UGGT1: variants seen among roughly 807,000 people sequenced by gnomAD.
The protein encoded by UGGT1 is UDP-glucose glycoprotein glucosyltransferase 1.
In UGGT1, 107 loss-of-function variants were observed where a neutral mutation model predicts 203.9. That is an observed-to-expected ratio of 0.52 (90% CI 0.45 to 0.62). The LOEUF (loss-of-function observed/expected upper bound fraction) is 0.62, where lower values mean the gene tolerates loss of function less well. Among genes scored for constraint, UGGT1 ranks in the 20% least tolerant of loss-of-function variants. The probability of loss-of-function intolerance (pLI) is 0.00; values close to 1 mark genes in which losing one functional copy is unlikely to be tolerated. For synonymous variants in UGGT1, 628 were observed against 653.5 expected (o/e 0.96, Z 0.59); for missense variants, 1,673 against 1,867.2 (o/e 0.90, Z 1.92).
chr2:128,118,282 T>G (rs1688222779), intron 8 of UGGT1, among the ~76,000 whole-genome samples: 1 of 152,144 alleles, frequency 6.6e-6, no homozygotes, highest in Non-Finnish European at 1.5e-5. Context: ...AAAAATTTTT[T>G]CGAGACAGGG....
chr2:128,172,865 A>G (rs1691182003), intron 29 of UGGT1, 103 bp downstream of exon 29: 2 of 1,118,564 alleles, frequency 1.8e-6, no homozygotes, highest in African/African-American at 1.6e-5. Flanking sequence ...CAGGTATGAT[A>G]TTTTTTTAAA....
intron 18 of UGGT1, among the ~76,000 whole-genome samples, chr2:128,147,254 T>C (rs1689736861): frequency 6.6e-6 from 1 of 152,236 alleles, no homozygotes; most frequent in Non-Finnish European, 1.5e-5. Flanking sequence ...TTCTTTCTTC[T>C]GTCAACTAAA....
intron 17 of UGGT1, chr2:128,145,585 A>C (rs896187647): frequency 4.2e-6 from 2 of 474,702 alleles, no homozygotes; most frequent in Admixed American, 4.0e-5. Context: ...TGGTCTTGTA[A>C]AAACTTGAAC....
chr2:128,121,236 T>C lies in UGGT1; in HGVS notation c.1011T>C (p.Ser337=). Residue 337 remains serine (S), a synonymous_variant, in exon 10 of 41, where the codon TCT becomes TCC. Transcript: ENST00000259253. ...SFQTAARILA[S]PVELALVVMK... ...AGACTGCTGCTCGAATCTTGGCTTCTCCTGTTGAGTTGGCTTTGGTTGTCA... is the reference window on the plus strand; with the variant it reads ...AGACTGCTGCTCGAATCTTGGCTTCCCCTGTTGAGTTGGCTTTGGTTGTCA... 6.2e-7 allele frequency: 1 copy of C among 1,613,782 alleles called. No homozygotes were observed.
intron 25 of UGGT1, 36 bp downstream of exon 25, chr2:128,161,304 A>G (rs752827843): frequency 1.0e-5 from 16 of 1,604,650 alleles, no homozygotes; most frequent in African/African-American, 1.3e-5. Flanking sequence ...CAGGGGTTAT[A>G]TAATTGGACT....
At chr2:128,179,968 T>C in intron 35 of UGGT1, 98 bp downstream of exon 35, 1 of 1,065,798 alleles carries the variant, frequency 9.4e-7, no homozygotes, top group Non-Finnish European at 1.4e-6. Context: ...TAGCAAATTT[T>C]CCATTTACTA....
chr2:128,146,439 GTAT>G (rs1689693744), intron 18 of UGGT1, among the ~76,000 whole-genome samples: 1 of 152,100 alleles, frequency 6.6e-6, no homozygotes, highest in Admixed American at 6.6e-5. Flanking sequence ...TAAATAACTA[GTAT>G]TATTGATTTC....
At position 128,133,146 on chromosome 2, in the gene UGGT1, C is replaced by G; in HGVS notation, c.1383C>G (p.Val461=). 1 of 1,613,856 alleles carries G rather than the reference C, an allele frequency of 6.2e-7. No individual in the cohort carries two copies. The highest frequency in any genetic ancestry group is 8.5e-7 in the Non-Finnish European group (1 of 1,179,856). Residue 461 remains valine (V), a synonymous_variant, in exon 14 of 41, where the codon GTC becomes GTG. Transcript: ENST00000259253. ...TGTTGTGTTATTTTTTGTAGTGGGT[C>G]AACAACCTGGAGGTTGATAGCAGAT... ...VDIRSPAISW[V]NNLEVDSRYN... is the part of the protein sequence containing the mutation.
rs549814654 is a variant in UGGT1 at position 128,123,799 on chromosome 2, A to G, written c.1134+553A>G. ...GCCGGTCATCCTGAGACCTTCCTTT[A>G]ACCTCCTTTGTTGGATCCTCTGTTG... On this transcript the variant is annotated intron_variant, in intron 11 of 40. Transcript: ENST00000259253. Among the ~76,000 whole-genome samples the G allele has an allele frequency of 6.6e-5, 10 of 152,150 alleles. No individual in the cohort carries two copies. The South Asian group carries it at 2.1e-3, about 32-fold the overall frequency.
At chr2:128,095,018 G>C (rs553436697) in intron 1 of UGGT1, among the ~76,000 whole-genome samples, 59 of 152,116 alleles carry the variant, frequency 3.9e-4, no homozygotes, top group Non-Finnish European at 7.4e-4. Context: ...TAAAGTGCTG[G>C]GATTACAGGC....
intron 31 of UGGT1, 137 bp from the exon 32 acceptor site, chr2:128,176,673 CGAAG>C: frequency 1.3e-6 from 1 of 782,514 alleles, no homozygotes; most frequent in Non-Finnish European, 2.1e-6. Context: ...CTGTGCAGCT[CGAAG>C]GAGCTTAAGG....
intron 1 of UGGT1, chr2:128,091,724 G>A (rs549068633): frequency 5.5e-5 from 33 of 597,596 alleles, no homozygotes; most frequent in Non-Finnish European, 7.5e-5. Flanking sequence ...TTTAGACCAA[G>A]CTTGATCCTC....
intron 34 of UGGT1, among the ~76,000 whole-genome samples, chr2:128,179,532 A>G (rs1691574425): frequency 6.6e-6 from 1 of 152,244 alleles, no homozygotes; most frequent in South Asian, 2.1e-4. Context: ...GTGTAACAGA[A>G]TTAAAACATT....
intron 10 of UGGT1, among the ~76,000 whole-genome samples, chr2:128,122,691 C>T (rs1410789358): frequency 6.6e-6 from 1 of 152,120 alleles, no homozygotes; most frequent in Admixed American, 6.5e-5. Context: ...TCTTGAGTCA[C>T]TGAATGAAGT....
At chr2:128,188,421 T>G (rs1433453135) in intron 40 of UGGT1, among the ~76,000 whole-genome samples, 6 of 152,216 alleles carry the variant, frequency 3.9e-5, no homozygotes, top group Non-Finnish European at 1.5e-5. Context: ...AAGTCTTTAA[T>G]GTCTTCCCTG....
chr2:128,157,923 T>C (rs899616101), intron 22 of UGGT1, among the ~76,000 whole-genome samples: 2 of 152,246 alleles, frequency 1.3e-5, no homozygotes, highest in East Asian at 1.9e-4. Context: ...TTTCCTGGGC[T>C]GTTTCAGTTT....
At chr2:128,162,613 AG>A in intron 25 of UGGT1, among the ~76,000 whole-genome samples, 1 of 152,302 alleles carries the variant, frequency 6.6e-6, no homozygotes, top group East Asian at 1.9e-4. Context: ...GCTACAAATA[AG>A]GAGGATCCAT....
At chr2:128,182,354 TA>T in intron 37 of UGGT1, 64 bp downstream of exon 37, 1 of 1,533,370 alleles carries the variant, frequency 6.5e-7, no homozygotes, top group Non-Finnish European at 8.8e-7. Flanking sequence ...TTTGTGTGGT[TA>T]AAATTGTGAA....
At chr2:128,109,812 C>A in intron 5 of UGGT1, 66 bp downstream of exon 5, 1 of 1,347,450 alleles carries the variant, frequency 7.4e-7, no homozygotes, top group Non-Finnish European at 1.1e-6. Flanking sequence ...TTTGGTCTAC[C>A]TTCTGATTTT....
Sources: allele counts gnomAD v4.1 joint callset (sites outside exome capture counted in the v4.1 genomes callset), GRCh38; gene constraint gnomAD v4.1.1; transcripts MANE v1.5; gene names NCBI Gene and HGNC (gene_info 2026-07-23, HGNC 2026-07-21).